Variants in MRS2 observed in about 807,000 individuals in gnomAD.
MRS2 encodes magnesium transporter MRS2, also known as magnesium transporter MRS2 homolog, mitochondrial.
A neutral mutation model predicts 52.6 loss-of-function variants in MRS2; 40 were observed. That is an observed-to-expected ratio of 0.76 (90% CI 0.59 to 0.99). The LOEUF (loss-of-function observed/expected upper bound fraction) is 0.99, where lower values mean the gene tolerates loss of function less well. Ranked by LOEUF, MRS2 falls within the 50% of genes least tolerant of loss-of-function variation. MRS2 has a pLI of 0.00. For missense variants in MRS2, 472 were observed against 532.7 expected (o/e 0.89, Z 1.12); for synonymous variants, 193 against 195.9 (o/e 0.98, Z 0.13).
chr6:24,411,654 TC>T (rs1422321263), intron 4 of MRS2, among the ~76,000 whole-genome samples: 1 of 152,176 alleles, frequency 6.6e-6, no homozygotes, highest in African/African-American at 2.4e-5. Flanking sequence ...TTCTCCTGCC[TC>T]AGCCTCTGAA....
At chr6:24,404,432 C>CATTA (rs1456093193) in intron 1 of MRS2, among the ~76,000 whole-genome samples, 5 of 152,118 alleles carry the variant, frequency 3.3e-5, no homozygotes, top group African/African-American at 1.2e-4. Context: ...TTACAACAAT[C>CATTA]ATTACGTGTA....
In MRS2 at chr6:24,423,784, C is replaced by A; in HGVS notation, c.*90C>A. On this transcript the variant is annotated 3_prime_UTR_variant, in exon 11 of 11. Coordinates refer to ENST00000378386, the MANE Select transcript of MRS2 (RefSeq NM_020662.4). ...TATTATTTTCTTGTATAGAGTCAGA[C>A]ACTTGAAAAAAACTAATGTTTGAAG... 1.9e-6 allele frequency: 1 copy of A among 526,856 alleles called. No individual in the cohort carries two copies. The highest frequency in any genetic ancestry group is 3.2e-6 in the Non-Finnish European group (1 of 308,308). 32.6% of individuals were successfully genotyped at this position (526,856 alleles called of 1,614,324 possible).
intron 2 of MRS2, among the ~76,000 whole-genome samples, chr6:24,406,827 G>A (rs1362405623): frequency 6.6e-6 from 1 of 152,144 alleles, no homozygotes; most frequent in African/African-American, 2.4e-5. Context: ...TTCTTTGCAG[G>A]TGAAATAATT....
chr6:24,419,395 G>C (rs1761969034), intron 9 of MRS2, among the ~76,000 whole-genome samples: 1 of 152,208 alleles, frequency 6.6e-6, no homozygotes, highest in Non-Finnish European at 1.5e-5. Context: ...TATAATTACA[G>C]ATGGGAAAGG....
At position 24,418,246 on chromosome 6, in the gene MRS2, C is replaced by T; in HGVS notation, c.989+10C>T. On this transcript the variant is annotated intron_variant, in intron 8 of 10. Coordinates refer to ENST00000378386, the MANE Select transcript of MRS2 (RefSeq NM_020662.4). The stretch of plus-strand genomic sequence containing the variant: ...TCATTAATCTGGACAGGTAAGAAAG[C>T]ATTATATAAAACTAAGTTTTTTTAA... 2 of 1,564,284 alleles carry T rather than the reference C, an allele frequency of 1.3e-6. No homozygotes were observed. The highest frequency in any genetic ancestry group is 1.7e-6 in the Non-Finnish European group (2 of 1,161,530).
At position 24,414,750 on chromosome 6, in the gene MRS2, C is replaced by T. The variant is rs182117408; in HGVS notation, c.589-283C>T. On this transcript the variant is annotated intron_variant, in intron 5 of 10. Coordinates refer to ENST00000378386, the MANE Select transcript of MRS2 (RefSeq NM_020662.4). ...CCGGGCAGAGGTGCCCCTCACCTCC[C>T]GGACGGGGCGGCTGGCCGGGCGGGA... Among the ~76,000 whole-genome samples the T allele has an allele frequency of 6.4e-3, 973 of 152,276 alleles. 23 individuals carry two copies. The highest frequency in any genetic ancestry group is 0.029 in the East Asian group (149 of 5,164).
rs1364816171 is a variant in MRS2 at position 24,425,885 on chromosome 6, GCTTT to G, written c.*2192_*2195del. Reference sequence around the variant, plus strand: ...TGAGTTATTCCAAGAGTTGTATACAGCTTTATTTTTTGGAATTGCAATATTAAAG... The same window carrying G: ...TGAGTTATTCCAAGAGTTGTATACAGATTTTTTGGAATTGCAATATTAAAG... On this transcript the variant is annotated 3_prime_UTR_variant, in exon 11 of 11. Transcript: ENST00000378386. The G allele has an allele frequency of 6.6e-6, 1 of 152,172 alleles. No homozygotes were observed. Among genetic ancestry groups the G allele is most frequent in the Non-Finnish European group, 1.5e-5 (1 of 68,044 alleles). The allele number at this position is 152,172 out of a possible 1,614,324, so 9.4% of individuals were successfully genotyped here.
At position 24,408,444 on chromosome 6, in the gene MRS2, G is replaced by A; in HGVS notation, c.301G>A (p.Glu101Lys). 6 of 1,578,586 alleles carry A rather than the reference G, an allele frequency of 3.8e-6. No individual in the cohort carries two copies. Among genetic ancestry groups the A allele is most frequent in the Non-Finnish European group, 5.2e-6 (6 of 1,149,396 alleles). ...CAAACAGGGAAACGTTACTTCTTTT[G>A]GTGAGTGATTAGCATTCTAAATCAT... is the stretch of plus-strand genomic sequence containing the variant. ...FDKQGNVTSF[E>K]RKKTELYQEL... is the part of the protein sequence containing the mutation. The change falls in exon 3 of 11, where the codon GAA (glutamate) becomes AAA (lysine). Residue 101 changes from glutamate (E) to lysine (K), a missense_variant and splice_region_variant. Physicochemically the swap from Glu to Lys is moderately conservative, Grantham distance 56. Coordinates refer to ENST00000378386, the MANE Select transcript of MRS2 (RefSeq NM_020662.4).
In MRS2 at chr6:24,412,329, G is replaced by T. The variant is rs1305263019; in HGVS notation, c.522G>T (p.Glu174Asp). ...AACTCCCTTCACAGTTGTCTGGAGA[G>T]GGTCAACTCGTTACATACCCTTTAC... ...FRELPSQLSG[E>D]GQLVTYPLPF... Residue 174 changes from glutamate (E) to aspartate (D), a missense_variant, in exon 5 of 11, where the codon GAG becomes GAT. Transcript: ENST00000378386. The T allele has an allele frequency of 1.9e-6, 3 of 1,599,078 alleles. No individual in the cohort carries two copies. The African/African-American group carries it at 4.0e-5, about 22-fold the overall frequency.
At chr6:24,410,187 C>A (rs1761605537) in intron 4 of MRS2, among the ~76,000 whole-genome samples, 1 of 152,184 alleles carries the variant, frequency 6.6e-6, no homozygotes, top group South Asian at 2.1e-4. Flanking sequence ...CCATGTTGGT[C>A]AGGCTGCTCT....
rs1762199879 is a variant in MRS2 at position 24,425,410 on chromosome 6, A to G, written c.*1716A>G. The G allele has an allele frequency of 6.6e-6, 1 of 152,224 alleles. No individual in the cohort carries two copies. The highest frequency in any genetic ancestry group is 2.4e-5 in the African/African-American group (1 of 41,454). The allele number at this position is 152,224 out of a possible 1,614,324, so 9.4% of individuals were successfully genotyped here. A position where few individuals can be genotyped will look rare whatever the true frequency, so the allele number is the denominator to read the frequency against. Reference sequence around the variant, plus strand: ...TTGATGAATCATGTCAATAAAAGGAAAAATAATGTAACTACCTCATAAGTC... The same window carrying G: ...TTGATGAATCATGTCAATAAAAGGAGAAATAATGTAACTACCTCATAAGTC... On this transcript the variant is annotated 3_prime_UTR_variant, in exon 11 of 11. Coordinates refer to ENST00000378386, the MANE Select transcript of MRS2 (RefSeq NM_020662.4).
intron 9 of MRS2, among the ~76,000 whole-genome samples, chr6:24,422,157 C>A (rs116750033): frequency 1.9e-4 from 22 of 117,702 alleles, no homozygotes; most frequent in African/African-American, 5.4e-4. Context: ...TCAACAACAA[C>A]AAAAAGAGGA....
intron 6 of MRS2, 57 bp downstream of exon 6, chr6:24,415,220 TATTAAC>T: frequency 6.8e-7 from 1 of 1,480,854 alleles, no homozygotes; most frequent in Non-Finnish European, 9.1e-7. Flanking sequence ...TAAAATCAAT[TATTAAC>T]ATTTTGTTTC....
intron 9 of MRS2, chr6:24,418,946 A>AAAAAT (rs1761953504): frequency 5.9e-6 from 1 of 169,614 alleles, no homozygotes; most frequent in Admixed American, 5.7e-5. Flanking sequence ...AATGGATTTA[A>AAAAAT]AAAATAAAGG....
In MRS2 at chr6:24,422,946, A is replaced by AT. The variant is rs773372054; in HGVS notation, c.1123dup (p.Trp375LeufsTer39). The AT allele has an allele frequency of 5.0e-6, 8 of 1,613,102 alleles. No homozygotes were observed. The South Asian group carries it at 7.7e-5, about 16-fold the overall frequency. ...CTGTGTTCTCTTTTAGGACCATAGA[A>AT]TTTTTTGGCTGATTACAGGAATTAT... On this transcript the variant is annotated frameshift_variant, in exon 10 of 11. Transcript: ENST00000378386. LOFTEE classifies it high-confidence loss of function.
intron 6 of MRS2, among the ~76,000 whole-genome samples, chr6:24,415,816 A>T (rs1581704656): frequency 1.3e-5 from 2 of 152,210 alleles, no homozygotes; most frequent in South Asian, 2.1e-4. Flanking sequence ...AATTTTACCA[A>T]TTAATTTAGA....
At position 24,403,146 on chromosome 6, in the gene MRS2, C is replaced by T. The variant is rs1761338783; in HGVS notation, c.100C>T (p.Pro34Ser). ...GGCCTTGGACGTGACCTCTGTGGGT[C>T]CTCCCGTTGCTGCCTGCGGCCGCCG... The part of the protein sequence containing the change: ...ALALDVTSVG[P>S]PVAACGRRAN... The change falls in exon 1 of 11, where the codon CCT (proline) becomes TCT (serine). Residue 34 changes from proline (P) to serine (S), a missense_variant. Physicochemically the swap from Pro to Ser is moderately conservative, Grantham distance 74. Transcript: ENST00000378386. 1 of 1,611,006 alleles carries T rather than the reference C, an allele frequency of 6.2e-7. No homozygotes were observed. Among genetic ancestry groups the T allele is most frequent in the East Asian group, 2.2e-5 (1 of 44,868 alleles).
rs747442309 is a variant in MRS2 at position 24,405,157 on chromosome 6, T to G, written c.191-11T>G. On this transcript the variant is annotated splice_polypyrimidine_tract_variant and intron_variant, in intron 1 of 10. Transcript: ENST00000378386. Reference sequence around the variant, plus strand: ...ATGTGACCACAGGAATTCTCTTAATTTATTCTTCAGGTGAAGTGCACCGGT... The same window carrying G: ...ATGTGACCACAGGAATTCTCTTAATGTATTCTTCAGGTGAAGTGCACCGGT... 62 of 1,609,316 alleles carry G rather than the reference T, an allele frequency of 3.9e-5. No homozygotes were observed. In the Admixed American group the frequency reaches 1.0e-3, roughly 26 times the overall value.
Position 24,418,248 on chromosome 6 carries a change from T to C in MRS2, c.989+12T>C. 1.3e-6 allele frequency: 2 copies of C among 1,565,056 alleles called. No homozygotes were observed. Among genetic ancestry groups the C allele is most frequent in the Non-Finnish European group, 1.7e-6 (2 of 1,161,740 alleles). On this transcript the variant is annotated intron_variant, in intron 8 of 10. Coordinates refer to ENST00000378386, the MANE Select transcript of MRS2 (RefSeq NM_020662.4). The stretch of plus-strand genomic sequence containing the variant: ...ATTAATCTGGACAGGTAAGAAAGCA[T>C]TATATAAAACTAAGTTTTTTTAATA...
Sources: allele counts gnomAD v4.1 joint callset (sites outside exome capture counted in the v4.1 genomes callset), GRCh38; gene constraint gnomAD v4.1.1; transcripts MANE v1.5; gene names NCBI Gene and HGNC (gene_info 2026-07-23, HGNC 2026-07-21).